The following HERC4 variants were observed in gnomAD, a reference collection of about 807,000 sequenced individuals.
HERC4 encodes the protein probable E3 ubiquitin-protein ligase HERC4.
A neutral mutation model predicts 124.3 loss-of-function variants in HERC4; 28 were observed. That is an observed-to-expected ratio of 0.23 (90% CI 0.17 to 0.31). The LOEUF is 0.31. HERC4 is among the 10% of genes least tolerant of loss of function. HERC4 has a pLI of 1.00. For synonymous variants in HERC4, 407 were observed against 421.5 expected (o/e 0.97, Z 0.42); for missense variants, 713 against 1,229.3 (o/e 0.58, Z 6.28).
chr10:67,957,220 A>G (rs1202036883), intron 16 of HERC4, among the ~76,000 whole-genome samples: 1 of 152,232 alleles, frequency 6.6e-6, no homozygotes, highest in East Asian at 1.9e-4. Context: ...TACTGCAAGT[A>G]TCTTTTGCTT....
At chr10:67,979,408 G>A (rs759179711) in intron 15 of HERC4, among the ~76,000 whole-genome samples, 7 of 151,624 alleles carry the variant, frequency 4.6e-5, no homozygotes, top group Non-Finnish European at 7.4e-5. Context: ...GTGAGCTGAG[G>A]AGACAAAAGA....
intron 3 of HERC4, among the ~76,000 whole-genome samples, chr10:68,060,737 T>G (rs1240968744): frequency 6.6e-6 from 1 of 152,150 alleles, no homozygotes; most frequent in African/African-American, 2.4e-5. Flanking sequence ...CATCAACCAC[T>G]CAGGCTTCTA....
At chr10:68,062,112 G>A (rs2041057072) in intron 3 of HERC4, among the ~76,000 whole-genome samples, 1 of 151,994 alleles carries the variant, frequency 6.6e-6, no homozygotes, top group African/African-American at 2.4e-5. Context: ...TATCTGAACT[G>A]AAAATAAAAC....
rs1045290070 is a variant in HERC4 at position 68,032,996 on chromosome 10, A to T, written c.686-127T>A. ...AAATAATTTTAACTATGATTCGATG[A>T]TTTTGTAGTACAAGCTTACTAAGTC... On this transcript the variant is annotated intron_variant, in intron 6 of 24. Transcript: ENST00000373700. 6 of 618,140 alleles carry T rather than the reference A, an allele frequency of 9.7e-6. No individual in the cohort carries two copies. In the African/African-American group the frequency reaches 1.1e-4, roughly 11 times the overall value. 38.3% of individuals were successfully genotyped at this position (618,140 alleles called of 1,614,324 possible).
At chr10:67,966,468 C>T in intron 16 of HERC4, 2 of 420,866 alleles carry the variant, frequency 4.8e-6, no homozygotes, top group South Asian at 3.3e-5. Context: ...CAGTGTAATC[C>T]ATTTCTTTGG....
chr10:67,938,908 C>T (rs988137135), intron 21 of HERC4, among the ~76,000 whole-genome samples: 3 of 152,192 alleles, frequency 2.0e-5, no homozygotes, highest in Non-Finnish European at 4.4e-5. Context: ...CACGTCACTG[C>T]ACCCCAGCCT....
At chr10:68,021,269 A>G (rs2038607580) in intron 8 of HERC4, among the ~76,000 whole-genome samples, 1 of 152,232 alleles carries the variant, frequency 6.6e-6, no homozygotes, top group Non-Finnish European at 1.5e-5. Flanking sequence ...GTTACATACT[A>G]TGACCACGAC....
chr10:68,023,218 T>C lies in HERC4; in HGVS notation c.908+2328A>G, dbSNP rs56864415. 1.3e-3 allele frequency among the ~76,000 whole-genome samples: 193 copies of C among 152,178 alleles called. 5 individuals are homozygous for C. In the East Asian group the frequency reaches 0.016, roughly 12 times the overall value. On this transcript the variant is annotated intron_variant, in intron 8 of 24. Transcript: ENST00000373700. ...ATGCCCAAAAGAACTGAAAGTGGGG[T>C]CCTGAAGGGATGTTTTTATATTCAT...
intron 15 of HERC4, among the ~76,000 whole-genome samples, chr10:67,982,564 G>T (rs1255600066): frequency 1.3e-5 from 2 of 151,982 alleles, no homozygotes; most frequent in East Asian, 3.9e-4. Flanking sequence ...CATTGGTCTG[G>T]GCAAAAATTT....
intron 3 of HERC4, among the ~76,000 whole-genome samples, chr10:68,059,650 T>G (rs1282394461): frequency 1.4e-5 from 1 of 69,308 alleles, no homozygotes; most frequent in Non-Finnish European, 2.1e-5. Flanking sequence ...TATATTATAT[T>G]ATATATCATA....
At chr10:67,982,701 AATC>A (rs1218405765) in intron 15 of HERC4, among the ~76,000 whole-genome samples, 1 of 152,224 alleles carries the variant, frequency 6.6e-6, no homozygotes, top group Non-Finnish European at 1.5e-5. Flanking sequence ...TTTGCAAACT[AATC>A]ATCTGACAAG....
intron 14 of HERC4, among the ~76,000 whole-genome samples, 174 bp downstream of exon 14, chr10:67,990,037 C>T (rs2036468755): frequency 6.6e-6 from 1 of 151,868 alleles, no homozygotes; most frequent in African/African-American, 2.4e-5. Flanking sequence ...TCAACAACTC[C>T]AACAACTAGA....
chr10:68,036,317 C>CAA (rs755357703), intron 5 of HERC4, among the ~76,000 whole-genome samples: 5 of 66,724 alleles, frequency 7.5e-5, no homozygotes, highest in Non-Finnish European at 1.2e-4. Context: ...GACTCCATCT[C>CAA]AAAAAAAAAA....
At chr10:67,970,788 A>G (rs2035188740) in intron 15 of HERC4, among the ~76,000 whole-genome samples, 1 of 152,056 alleles carries the variant, frequency 6.6e-6, no homozygotes, top group South Asian at 2.1e-4. Context: ...AAGAAAATCT[A>G]TAGCATTAAA....
At chr10:68,059,576 C>CATATTATATATCATATTATATATCATA (rs2040780575) in intron 3 of HERC4, among the ~76,000 whole-genome samples, 1 of 65,830 alleles carries the variant, frequency 1.5e-5, no homozygotes, top group African/African-American at 8.9e-5. Context: ...TATTATATAT[C>CATATTATATATCATATTATATATCATA]ATATTATATA....
chr10:68,068,245 G>A (rs966236866), intron 3 of HERC4: 1 of 152,198 alleles, frequency 6.6e-6, no homozygotes, highest in Non-Finnish European at 1.5e-5. Flanking sequence ...AGCACTTTGG[G>A]AGACCGAGGT....
intron 3 of HERC4, among the ~76,000 whole-genome samples, chr10:68,048,776 CTT>C (rs1337937745): frequency 6.6e-6 from 1 of 152,140 alleles, no homozygotes; most frequent in Admixed American, 6.5e-5. Context: ...GAAGGGAACT[CTT>C]TATTTTCTGC....
intron 12 of HERC4, 32 bp downstream of exon 12, chr10:67,991,096 CAATAAATTTGAA>C (rs1175959021): frequency 7.1e-7 from 1 of 1,418,364 alleles, no homozygotes; most frequent in Non-Finnish European, 9.5e-7. Flanking sequence ...CTATTTAAGA[CAATAAATTTGAA>C]AATTTCAGCA....
intron 1 of HERC4, chr10:68,074,630 G>A (rs749482314): frequency 6.6e-6 from 1 of 152,174 alleles, no homozygotes; most frequent in African/African-American, 2.4e-5. Flanking sequence ...GACTGGGAAA[G>A]AGAAATCATC....
Sources: gnomAD v4.1 joint callset for allele counts (sites outside exome capture counted in the v4.1 genomes callset) on GRCh38, gnomAD v4.1.1 for gene constraint, MANE v1.5 for transcripts, NCBI Gene and HGNC (gene_info 2026-07-23, HGNC 2026-07-21) for gene names.